PAX3: variants seen among roughly 807,000 people sequenced by gnomAD.
PAX3 encodes the protein paired box protein Pax-3.
A neutral mutation model predicts 51.6 loss-of-function variants in PAX3; 14 were observed. The ratio of observed to expected loss-of-function variants is 0.27; its 90% CI spans 0.18 to 0.42. The LOEUF (loss-of-function observed/expected upper bound fraction) is 0.42, where lower values mean the gene tolerates loss of function less well. PAX3 is among the 10% of genes least tolerant of loss of function. The pLI is 1.00. For missense variants in PAX3, 540 were observed against 642.8 expected, an observed-to-expected ratio of 0.84 and a Z score of 1.73; for synonymous variants, 280 against 253.4, an observed-to-expected ratio of 1.11 and a Z score of -1.00.
chr2:222,285,980 C>T (rs2106182913), intron 4 of PAX3, among the ~76,000 whole-genome samples: 1 of 152,324 alleles, frequency 6.6e-6, no homozygotes, highest in South Asian at 2.1e-4. Flanking sequence ...CTCTGTCATC[C>T]AGGCTGAAGT....
At chr2:222,260,322 CA>C (rs1483978275) in intron 4 of PAX3, among the ~76,000 whole-genome samples, 2 of 152,010 alleles carry the variant, frequency 1.3e-5, no homozygotes, top group Non-Finnish European at 2.9e-5. Context: ...GAGCCATGAT[CA>C]TGCCACTGCA....
At chr2:222,222,547 G>A (rs946633536) in intron 5 of PAX3, among the ~76,000 whole-genome samples, 1 of 151,974 alleles carries the variant, frequency 6.6e-6, no homozygotes, top group Admixed American at 6.6e-5. Flanking sequence ...ATGATTACAG[G>A]CACCCGCCAC....
chr2:222,260,551 A>AGTTTTTTTTTTTT (rs869083233), intron 4 of PAX3, among the ~76,000 whole-genome samples: 15 of 102,058 alleles, frequency 1.5e-4, no homozygotes, highest in African/African-American at 5.3e-4. Context: ...AAGCAACACA[A>AGTTTTTTTTTTTT]GTTTTTTTTT....
intron 5 of PAX3, among the ~76,000 whole-genome samples, chr2:222,231,548 T>C (rs905034166): frequency 1.3e-5 from 2 of 152,222 alleles, no homozygotes; most frequent in African/African-American, 4.8e-5. Context: ...GTTATGCACC[T>C]TTGCACATTT....
chr2:222,205,406 A>G (rs9653357), intron 7 of PAX3, among the ~76,000 whole-genome samples: 4,137 of 152,128 alleles, frequency 0.027, 162 homozygotes, highest in African/African-American at 0.089. Context: ...GCAGCCCAAT[A>G]CTTGCAGGGG....
At chr2:222,253,520 A>G (rs1264260441) in intron 4 of PAX3, among the ~76,000 whole-genome samples, 1 of 152,208 alleles carries the variant, frequency 6.6e-6, no homozygotes, top group African/African-American at 2.4e-5. Flanking sequence ...CAAAGATATA[A>G]CCAGAGTCCA....
chr2:222,273,375 G>T (rs539725639), intron 4 of PAX3, among the ~76,000 whole-genome samples: 1 of 152,218 alleles, frequency 6.6e-6, no homozygotes, highest in East Asian at 1.9e-4. Context: ...ACACCAAGAA[G>T]GTTCTTTGCT....
At chr2:222,234,240 A>C (rs1418572544) in intron 4 of PAX3, among the ~76,000 whole-genome samples, 1 of 152,142 alleles carries the variant, frequency 6.6e-6, no homozygotes, top group Non-Finnish European at 1.5e-5. Context: ...AACAAAAGAG[A>C]AGTATTACAT....
intron 7 of PAX3, among the ~76,000 whole-genome samples, chr2:222,208,611 G>C (rs970828111): frequency 3.9e-5 from 6 of 152,138 alleles, no homozygotes; most frequent in Non-Finnish European, 7.4e-5. Flanking sequence ...ATTACCTGCT[G>C]TTAACTCTTC....
intron 4 of PAX3, among the ~76,000 whole-genome samples, chr2:222,275,935 G>C (rs1020289589): frequency 6.6e-6 from 1 of 152,154 alleles, no homozygotes; most frequent in African/African-American, 2.4e-5. Context: ...CCAATCAGTT[G>C]GGACAACCGC....
At chr2:222,293,402 G>A (rs1695118123) in intron 4 of PAX3, among the ~76,000 whole-genome samples, 1 of 151,984 alleles carries the variant, frequency 6.6e-6, no homozygotes, top group Non-Finnish European at 1.5e-5. Context: ...CAGGTGAAGG[G>A]GAAGCAAGCT....
At chr2:222,237,413 A>G (rs1692842354) in intron 4 of PAX3, among the ~76,000 whole-genome samples, 1 of 151,948 alleles carries the variant, frequency 6.6e-6, no homozygotes. Context: ...TTCAAATATC[A>G]ATCACTTAGC....
chr2:222,220,657 A>G (rs1692159465), intron 6 of PAX3, among the ~76,000 whole-genome samples: 1 of 152,230 alleles, frequency 6.6e-6, no homozygotes, highest in African/African-American at 2.4e-5. Flanking sequence ...GTTATTCATC[A>G]ATATGAGAAT....
At chr2:222,281,409 A>G (rs545172512) in intron 4 of PAX3, among the ~76,000 whole-genome samples, 1 of 152,338 alleles carries the variant, frequency 6.6e-6, no homozygotes, top group African/African-American at 2.4e-5. Flanking sequence ...AATCAGAAGC[A>G]AAGGGGCTGC....
At chr2:222,271,833 A>T (rs1694262660) in intron 4 of PAX3, among the ~76,000 whole-genome samples, 1 of 152,214 alleles carries the variant, frequency 6.6e-6, no homozygotes, top group Admixed American at 6.5e-5. Context: ...TTTGAAAAAG[A>T]TGCTTCTGAA....
In PAX3 at chr2:222,297,003, C is replaced by T. The variant is rs1189463428; in HGVS notation, c.296G>A (p.Gly99Asp). The T allele has an allele frequency of 1.2e-6, 2 of 1,613,858 alleles. No homozygotes were observed. Among genetic ancestry groups the T allele is most frequent in the Non-Finnish European group, 1.7e-6 (2 of 1,179,950 alleles). Residue 99 changes from glycine (G) to aspartate (D), a missense_variant, in exon 2 of 9, where the codon GGT (glycine) becomes GAT (aspartate). Gly to Asp is a moderately conservative substitution (Grantham distance 94, BLOSUM62 -1). Coordinates refer to ENST00000392070, the MANE Select transcript of PAX3 (RefSeq NM_181458.4). The stretch of plus-strand genomic sequence containing the variant: ...CTTGGGCTTGCTGCCGCCGATGGCA[C>T]CAGGACGTATGGAGCCAGTCTCCTG... ...RYQETGSIRP[G>D]AIGGSKPKQV...
chr2:222,255,917 ATTTTTTTTTT>A (rs57757180), intron 4 of PAX3, among the ~76,000 whole-genome samples: 6 of 98,334 alleles, frequency 6.1e-5, no homozygotes, highest in South Asian at 3.8e-4. Context: ...CGCCCAGCTA[ATTTTTTTTTT>A]TTTTTTTTTT....
intron 4 of PAX3, among the ~76,000 whole-genome samples, chr2:222,261,950 CA>C (rs1373195509): frequency 6.6e-6 from 1 of 152,184 alleles, no homozygotes; most frequent in Admixed American, 6.5e-5. Context: ...AATGGGTTCC[CA>C]AAGTAGAACT....
rs771371167 is a variant in PAX3, at chr2:222,220,285, G to A, written c.1028C>T (p.Thr343Met). 4.3e-6 allele frequency: 7 copies of A among 1,613,982 alleles called. No individual in the cohort carries two copies. In the African/African-American group the frequency reaches 5.3e-5, roughly 12 times the overall value. The change falls in exon 7 of 9, where the codon ACG becomes ATG. Residue 343 changes from threonine to methionine, a missense_variant. By Grantham distance (81) the Thr-to-Met change is moderately conservative. Coordinates refer to ENST00000392070, the MANE Select transcript of PAX3 (RefSeq NM_181458.4). ...GCTGCTGTCTGGGTTGGAAGGAATC[G>A]TGCTTTGGTGTACAGTGCTTGGAGG... ...PLPPSTVHQSTIPSNPDSSSA... is the reference protein window; with the variant it reads ...PLPPSTVHQSMIPSNPDSSSA...
Sources: allele counts gnomAD v4.1 joint callset (sites outside exome capture counted in the v4.1 genomes callset), GRCh38; gene constraint gnomAD v4.1.1; transcripts MANE v1.5; gene names NCBI Gene and HGNC (gene_info 2026-07-23, HGNC 2026-07-21).